Variants in PCDH15 observed in about 807,000 individuals in gnomAD.
PCDH15 encodes protocadherin related 15.
Under a neutral mutation model 178.5 loss-of-function variants are expected in PCDH15, and 129 were observed. The observed-to-expected ratio is 0.72, with a 90% CI of 0.63 to 0.84. PCDH15 has a LOEUF of 0.84. PCDH15 is among the 40% of genes least tolerant of loss of function. The pLI, the probability that PCDH15 is intolerant of heterozygous loss-of-function variation, is 0.00. For synonymous variants in PCDH15, 800 were observed against 732.0 expected, an observed-to-expected ratio of 1.09 and a Z score of -1.50; for missense variants, 2,230 against 2,099.9, an observed-to-expected ratio of 1.06 and a Z score of -1.21.
chr10:54,190,179 C>T (rs976587901), intron 11 of PCDH15, among the ~76,000 whole-genome samples: 23 of 152,170 alleles, frequency 1.5e-4, no homozygotes, highest in African/African-American at 5.5e-4. Context: ...AAATTTTACG[C>T]AAATGGATCC....
intron 2 of PCDH15, among the ~76,000 whole-genome samples, chr10:55,165,715 A>C (rs1839178703): frequency 6.6e-6 from 1 of 152,040 alleles, no homozygotes; most frequent in African/African-American, 2.4e-5. Flanking sequence ...AAGTATGATA[A>C]GCAGTCATGT....
intron 1 of PCDH15, among the ~76,000 whole-genome samples, chr10:54,733,896 C>T (rs941379900): frequency 8.0e-5 from 12 of 150,276 alleles, no homozygotes; most frequent in African/African-American, 2.9e-4. Flanking sequence ...AACGTAAAAA[C>T]AAAAATGGAC....
chr10:54,731,567 C>T (rs866040036), intron 1 of PCDH15, among the ~76,000 whole-genome samples: 83 of 39,430 alleles, frequency 2.1e-3, no homozygotes, highest in African/African-American at 3.8e-3. Flanking sequence ...TATATATACA[C>T]ACACACACAC....
rs532855437 is a variant in PCDH15, at chr10:54,456,027, C to T, written c.157+71785G>A. Among the ~76,000 whole-genome samples, 14 of 152,292 alleles carry T rather than the reference C, an allele frequency of 9.2e-5. No homozygotes were observed. In the South Asian group the frequency reaches 2.9e-3, roughly 32 times the overall value. ...GAGGATGTATGGAAATGCCTGGATA[C>T]CCAGGCACAAGTTTGCTGTGGGAGC... is the stretch of plus-strand genomic sequence containing the variant. On this transcript the variant is annotated intron_variant, in intron 3 of 37. Transcript: ENST00000644397.
At chr10:53,923,089 A>AAAAAC (rs745768349) in intron 25 of PCDH15, among the ~76,000 whole-genome samples, 62 of 152,292 alleles carry the variant, frequency 4.1e-4, no homozygotes, top group Non-Finnish European at 6.2e-4. Context: ...TCCGTCTCAA[A>AAAAAC]AAAACAAAAC....
chr10:55,558,976 A>C (rs536558342), intron 2 of PCDH15, among the ~76,000 whole-genome samples: 2 of 152,238 alleles, frequency 1.3e-5, no homozygotes, highest in South Asian at 4.1e-4. Context: ...ACACAGGTAA[A>C]TAAATAAATA....
chr10:54,297,192 C>T (rs559391316), intron 8 of PCDH15, among the ~76,000 whole-genome samples: 17 of 152,132 alleles, frequency 1.1e-4, no homozygotes, highest in South Asian at 4.1e-4. Context: ...AAAACAAAAC[C>T]GCAGGTGGTT....
intron 2 of PCDH15, among the ~76,000 whole-genome samples, chr10:54,581,106 G>C (rs1411436106): frequency 6.6e-6 from 1 of 151,938 alleles, no homozygotes; most frequent in African/African-American, 2.4e-5. Context: ...AGCAATCAAA[G>C]AAGAGAAAGT....
chr10:54,478,224 T>C (rs2078425235), intron 3 of PCDH15, among the ~76,000 whole-genome samples: 2 of 152,128 alleles, frequency 1.3e-5, no homozygotes, highest in Non-Finnish European at 2.9e-5. Flanking sequence ...TGGCGCATTT[T>C]GATGAGAAAT....
chr10:55,116,407 A>G (rs1012298737), intron 2 of PCDH15, among the ~76,000 whole-genome samples: 23 of 152,258 alleles, frequency 1.5e-4, no homozygotes, highest in African/African-American at 5.5e-4. Context: ...AGTTCAATAT[A>G]ATAGGTAAGC....
At chr10:55,084,657 A>G (rs974754239) in intron 2 of PCDH15, among the ~76,000 whole-genome samples, 1 of 152,018 alleles carries the variant, frequency 6.6e-6, no homozygotes, top group Non-Finnish European at 1.5e-5. Context: ...ATGGGAGAAA[A>G]TATTTGCTAA....
intron 2 of PCDH15, among the ~76,000 whole-genome samples, chr10:55,349,907 C>T (rs915727108): frequency 6.6e-6 from 1 of 151,698 alleles, no homozygotes; most frequent in Non-Finnish European, 1.5e-5. Flanking sequence ...ATTCCAATAA[C>T]TATATTGTTA....
intron 2 of PCDH15, among the ~76,000 whole-genome samples, chr10:55,398,515 C>A (rs1404430575): frequency 6.6e-6 from 1 of 152,126 alleles, no homozygotes; most frequent in Non-Finnish European, 1.5e-5. Context: ...TTCCTCTTTT[C>A]TCTCTTGTCC....
intron 17 of PCDH15, among the ~76,000 whole-genome samples, chr10:54,067,440 T>C (rs1262887205): frequency 6.6e-6 from 1 of 152,218 alleles, no homozygotes; most frequent in Non-Finnish European, 1.5e-5. Flanking sequence ...GATTATCTTA[T>C]AAGCATACAG....
intron 4 of PCDH15, among the ~76,000 whole-genome samples, chr10:54,376,538 A>T (rs982816376): frequency 2.0e-5 from 3 of 151,366 alleles, no homozygotes; most frequent in Non-Finnish European, 4.4e-5. Context: ...CACTTTTTTT[A>T]AAATGAATTC....
At chr10:55,337,427 C>T (rs1416697762) in intron 2 of PCDH15, among the ~76,000 whole-genome samples, 2 of 152,188 alleles carry the variant, frequency 1.3e-5, no homozygotes, top group Non-Finnish European at 2.9e-5. Context: ...CTTGTCTCTG[C>T]TTCCAAAGCC....
Position 55,549,158 on chromosome 10 carries a change from T to C in PCDH15, c.-156+78467A>G, listed in dbSNP as rs572431417. Among the ~76,000 whole-genome samples the C allele has an allele frequency of 1.8e-3, 247 of 134,676 alleles. 1 individual carries two copies. Among genetic ancestry groups the C allele is most frequent in the Non-Finnish European group, 3.3e-3 (213 of 65,458 alleles). The allele number at this position is 134,676 out of a possible 152,430, so 88.4% of individuals were successfully genotyped here. On this transcript the variant is annotated intron_variant, in intron 2 of 5. Transcript: ENST00000613346. Reference sequence around the variant, plus strand: ...TAATTAGGGAAGAAGAGGGTTTTTTTTGTTTGTTTGTTTGTTTTTTCCCCC... The same window carrying C: ...TAATTAGGGAAGAAGAGGGTTTTTTCTGTTTGTTTGTTTGTTTTTTCCCCC...
intron 2 of PCDH15, among the ~76,000 whole-genome samples, chr10:55,388,038 G>GT (rs1266466355): frequency 6.6e-6 from 1 of 152,002 alleles, no homozygotes; most frequent in Non-Finnish European, 1.5e-5. Context: ...GCCTGTATGT[G>GT]TCAGACACAT....
intron 6 of PCDH15, among the ~76,000 whole-genome samples, chr10:54,338,763 A>C (rs770328032): frequency 2.8e-4 from 43 of 152,152 alleles, no homozygotes; most frequent in Non-Finnish European, 4.6e-4. Flanking sequence ...CTGCTTCCTC[A>C]GTAAACTGGA....
Sources: gnomAD v4.1 joint callset for allele counts (sites outside exome capture counted in the v4.1 genomes callset) on GRCh38, gnomAD v4.1.1 for gene constraint, MANE v1.5 for transcripts, NCBI Gene and HGNC (gene_info 2026-07-23, HGNC 2026-07-21) for gene names.